Variants in RAPGEF2 observed in about 807,000 individuals in gnomAD.
RAPGEF2 encodes Rap guanine nucleotide exchange factor 2.
A neutral mutation model predicts 186.7 loss-of-function variants in RAPGEF2; 54 were observed. The observed-to-expected ratio is 0.29, with a 90% CI of 0.23 to 0.36. RAPGEF2 has a LOEUF of 0.36. Among genes scored for constraint, RAPGEF2 ranks in the 10% least tolerant of loss-of-function variants. The pLI, the probability that RAPGEF2 is intolerant of heterozygous loss-of-function variation, is 1.00. For missense variants in RAPGEF2, 1,532 were observed against 2,045.0 expected (o/e 0.75, Z 4.84); for synonymous variants, 712 against 705.9 (o/e 1.01, Z -0.14).
At chr4:159,123,475 C>T (rs1739936107) in intron 1 of RAPGEF2, among the ~76,000 whole-genome samples, 1 of 151,626 alleles carries the variant, frequency 6.6e-6, no homozygotes, top group African/African-American at 2.4e-5. Flanking sequence ...GTTATTCGTG[C>T]CAGGTTAAGT....
chr4:159,143,750 A>G lies in RAPGEF2; in HGVS notation c.69+39519A>G, dbSNP rs141560488. Among the ~76,000 whole-genome samples the G allele has an allele frequency of 4.8e-3, 738 of 152,290 alleles. 4 individuals carry two copies. The highest frequency in any genetic ancestry group is 0.017 in the African/African-American group (702 of 41,554). On this transcript the variant is annotated intron_variant, in intron 1 of 29. Transcript: ENST00000691494. ...TGTTTCTGGCGTTTTTTGAATGGGC[A>G]GTGTGCTTTTGAGGAAAAATGTTTT...
chr4:159,311,838 G>A (rs149976935), intron 8 of RAPGEF2, among the ~76,000 whole-genome samples: 96 of 152,218 alleles, frequency 6.3e-4, no homozygotes, highest in Admixed American at 1.9e-3. Context: ...TGTTTATCAC[G>A]TTCTTTTAAA....
At chr4:159,352,386 A>G (rs1424109868) in intron 26 of RAPGEF2, 2 of 257,134 alleles carry the variant, frequency 7.8e-6, no homozygotes, top group Non-Finnish European at 1.5e-5. Context: ...CTGTAGACTA[A>G]TAGTGTAATT....
chr4:159,332,705 T>C lies in RAPGEF2; in HGVS notation c.2135+8T>C. On this transcript the variant is annotated splice_region_variant and intron_variant, in intron 17 of 29. Transcript: ENST00000691494. Reference sequence around the variant, plus strand: ...GCCACAGAAACCATACAAGTAAGCATCTGCATATGTCTTCTGTGCATTATT... The same window carrying C: ...GCCACAGAAACCATACAAGTAAGCACCTGCATATGTCTTCTGTGCATTATT... 6.2e-7 allele frequency: 1 copy of C among 1,612,616 alleles called. No homozygotes were observed. The highest frequency in any genetic ancestry group is 2.2e-5 in the East Asian group (1 of 44,834).
chr4:159,353,388 A>G lies in RAPGEF2; in HGVS notation c.4092-99A>G. ...TTATCCTGTTTCTGGGATGAAAGCAAGCTACCTTTCTAGGAAAAAGGGTAT... is the reference window on the plus strand; with the variant it reads ...TTATCCTGTTTCTGGGATGAAAGCAGGCTACCTTTCTAGGAAAAAGGGTAT... On this transcript the variant is annotated intron_variant, in intron 27 of 29. Transcript: ENST00000691494. This position sits in a 1 kb window ranked among gnomAD's most constrained non-coding sequence, Gnocchi z 4.3. 1.0e-6 allele frequency: 1 copy of G among 984,322 alleles called. No individual in the cohort carries two copies. The highest frequency in any genetic ancestry group is 1.4e-6 in the Non-Finnish European group (1 of 717,202). 61.0% of individuals were successfully genotyped at this position (984,322 alleles called of 1,614,324 possible).
At chr4:159,330,626 C>CAA in intron 13 of RAPGEF2, 128 bp downstream of exon 13, 2 of 468,486 alleles carry the variant, frequency 4.3e-6, no homozygotes, top group Non-Finnish European at 6.8e-6. Context: ...AATTCTGAAG[C>CAA]AAAAAAAAAC....
chr4:159,329,798 G>A (rs1379887174), intron 11 of RAPGEF2, 60 bp from the exon 12 acceptor site: 1 of 1,366,202 alleles, frequency 7.3e-7, no homozygotes, highest in Non-Finnish European at 1.0e-6. Context: ...TGAATTATTA[G>A]TACTGCTAGG....
In RAPGEF2 at chr4:159,330,463, T is replaced by C. The variant is rs533771443; in HGVS notation, c.1432T>C (p.Leu478=). 64 of 1,607,052 alleles carry C rather than the reference T, an allele frequency of 4.0e-5. No individual in the cohort carries two copies. Among genetic ancestry groups the C allele is most frequent in the African/African-American group, 8.1e-5 (6 of 74,480 alleles). ...SSPMEVGKKL[L]EWFNDPSLRD... ...CCCAATGGAAGTGGGCAAAAAGTTA[T>C]TGGAGTGGTTTAATGACCCGAGCCT... Residue 478 remains leucine (L), a synonymous_variant, in exon 13 of 30, where the codon TTG becomes CTG. Transcript: ENST00000691494.
intron 29 of RAPGEF2, among the ~76,000 whole-genome samples, chr4:159,357,222 G>T (rs75448740): frequency 6.6e-6 from 1 of 152,156 alleles, no homozygotes; most frequent in Non-Finnish European, 1.5e-5. Flanking sequence ...TGACCCAGGC[G>T]TGGTGGCGTG....
At chr4:159,325,767 A>G (rs1423883115) in intron 11 of RAPGEF2, among the ~76,000 whole-genome samples, 1 of 152,200 alleles carries the variant, frequency 6.6e-6, no homozygotes, top group Non-Finnish European at 1.5e-5. Context: ...TGCTTAAGTC[A>G]TGTCAAATGC....
chr4:159,272,852 A>G (rs576167347), intron 7 of RAPGEF2, among the ~76,000 whole-genome samples: 1 of 152,322 alleles, frequency 6.6e-6, no homozygotes, highest in African/African-American at 2.4e-5. Flanking sequence ...ATTAATGACT[A>G]TTTTGAAGAT....
At chr4:159,287,475 A>G (rs1760651099) in intron 7 of RAPGEF2, among the ~76,000 whole-genome samples, 1 of 152,138 alleles carries the variant, frequency 6.6e-6, no homozygotes, top group Non-Finnish European at 1.5e-5. Context: ...GAAGGCCTTC[A>G]GTGTAATTCA....
intron 3 of RAPGEF2, among the ~76,000 whole-genome samples, chr4:159,202,912 A>G (rs1220750204): frequency 1.3e-5 from 2 of 152,090 alleles, no homozygotes; most frequent in East Asian, 1.9e-4. Flanking sequence ...TCCATGAGCA[A>G]CCTTTTTGGC....
chr4:159,248,288 T>C (rs1051071742), intron 7 of RAPGEF2, among the ~76,000 whole-genome samples: 13 of 152,134 alleles, frequency 8.5e-5, no homozygotes, highest in African/African-American at 3.1e-4. Context: ...TAATAAAGAA[T>C]GGAAAAGAGG....
chr4:159,192,118 A>G (rs1481864121), intron 2 of RAPGEF2, among the ~76,000 whole-genome samples: 3 of 152,206 alleles, frequency 2.0e-5, no homozygotes, highest in Non-Finnish European at 4.4e-5. Flanking sequence ...GCTTTTGGCT[A>G]CCATCTTTTC....
intron 3 of RAPGEF2, among the ~76,000 whole-genome samples, chr4:159,208,485 T>A (rs1750188948): frequency 6.6e-6 from 1 of 152,152 alleles, no homozygotes; most frequent in South Asian, 2.1e-4. Flanking sequence ...TGGATGAGAT[T>A]TGGACCTGTC....
chr4:159,117,362 G>C (rs186576348), intron 1 of RAPGEF2, among the ~76,000 whole-genome samples: 1 of 152,146 alleles, frequency 6.6e-6, no homozygotes, highest in South Asian at 2.1e-4. Flanking sequence ...AGTGTGCTTA[G>C]AGCCCCAAAA....
chr4:159,256,129 G>A (rs1756129128), intron 7 of RAPGEF2, among the ~76,000 whole-genome samples: 1 of 152,104 alleles, frequency 6.6e-6, no homozygotes. Flanking sequence ...TTGTTACATA[G>A]GTAAACGTGT....
At position 159,281,183 on chromosome 4, in the gene RAPGEF2, G is replaced by A. The variant is rs185424778; in HGVS notation, c.544-23159G>A. ...ATTTTTGTATTTTTAGTAGAGATGGGGTTTCACCATGTTGGCCAAGATGGT... is the reference window on the plus strand; with the variant it reads ...ATTTTTGTATTTTTAGTAGAGATGGAGTTTCACCATGTTGGCCAAGATGGT... On this transcript the variant is annotated intron_variant, in intron 7 of 29. Transcript: ENST00000691494. 1.9e-3 allele frequency among the ~76,000 whole-genome samples: 284 copies of A among 151,666 alleles called. 1 individual carries two copies. The highest frequency in any genetic ancestry group is 3.0e-3 in the Non-Finnish European group (203 of 67,864).
Sources: allele counts gnomAD v4.1 joint callset (sites outside exome capture counted in the v4.1 genomes callset), GRCh38; gene constraint gnomAD v4.1.1; non-coding constraint Gnocchi (gnomAD v3.1); transcripts MANE v1.5; gene names NCBI Gene and HGNC (gene_info 2026-07-23, HGNC 2026-07-21).